PDE4D: variants seen among roughly 807,000 people sequenced by gnomAD.
PDE4D encodes the protein 3',5'-cyclic-AMP phosphodiesterase 4D.
In PDE4D, 24 loss-of-function variants were observed where a neutral mutation model predicts 87.4. That is an observed-to-expected ratio of 0.27 (90% CI 0.20 to 0.39). PDE4D has a LOEUF of 0.39. PDE4D is among the 10% of genes least tolerant of loss of function. PDE4D has a pLI of 1.00. For missense variants in PDE4D, 714 were observed against 1,041.0 expected (o/e 0.69, Z 4.32); for synonymous variants, 384 against 383.2 (o/e 1.00, Z -0.02).
chr5:59,446,016 T>G (rs1798289072), intron 1 of PDE4D, among the ~76,000 whole-genome samples: 1 of 152,168 alleles, frequency 6.6e-6, no homozygotes, highest in African/African-American at 2.4e-5. Flanking sequence ...ACTGAGCTAA[T>G]ATAATTTGCC....
chr5:59,246,833 G>C (rs1408716210), intron 1 of PDE4D, among the ~76,000 whole-genome samples: 2 of 152,144 alleles, frequency 1.3e-5, no homozygotes, highest in Non-Finnish European at 2.9e-5. Context: ...TCCAGATGAA[G>C]TGAGACTATT....
chr5:59,336,424 TG>T (rs1377419323), intron 1 of PDE4D, among the ~76,000 whole-genome samples: 1 of 152,226 alleles, frequency 6.6e-6, no homozygotes, highest in African/African-American at 2.4e-5. Context: ...TTTTTGAAAA[TG>T]TTTTTGTTAA....
chr5:60,050,895 C>A (rs1336651844), intron 2 of PDE4D, among the ~76,000 whole-genome samples: 1 of 152,136 alleles, frequency 6.6e-6, no homozygotes, highest in Non-Finnish European at 1.5e-5. Flanking sequence ...ATCCTAATTT[C>A]TGATAAAACA....
chr5:60,421,109 A>G (rs1743053367), intron 1 of PDE4D, among the ~76,000 whole-genome samples: 1 of 152,238 alleles, frequency 6.6e-6, no homozygotes, highest in South Asian at 2.1e-4. Context: ...TGGGCAGGGC[A>G]TAGCTGAACA....
At chr5:59,269,111 A>G (rs1398930550) in intron 1 of PDE4D, among the ~76,000 whole-genome samples, 2 of 152,092 alleles carry the variant, frequency 1.3e-5, no homozygotes, top group Admixed American at 1.3e-4. Context: ...AAGAAAAAAA[A>G]AAGAGTTGCA....
chr5:59,768,268 C>A, intron 1 of PDE4D: 1 of 1,598,264 alleles, frequency 6.3e-7, no homozygotes, highest in Non-Finnish European at 8.5e-7. Flanking sequence ...CACCGTGAAA[C>A]GCCGCTGTTT....
chr5:59,652,182 G>C (rs1561408542), intron 1 of PDE4D, among the ~76,000 whole-genome samples: 1 of 152,084 alleles, frequency 6.6e-6, no homozygotes. Flanking sequence ...TATGCCTCTT[G>C]CTACCCCATC....
At chr5:59,088,859 T>G (rs1323892518) in intron 5 of PDE4D, among the ~76,000 whole-genome samples, 1 of 152,116 alleles carries the variant, frequency 6.6e-6, no homozygotes, top group Non-Finnish European at 1.5e-5. Context: ...ATGTGGGTGA[T>G]GAAATAATCT....
At chr5:60,068,168 A>G (rs1408151624) in intron 2 of PDE4D, among the ~76,000 whole-genome samples, 1 of 152,158 alleles carries the variant, frequency 6.6e-6, no homozygotes, top group Non-Finnish European at 1.5e-5. Flanking sequence ...GCTGCACCAT[A>G]TTGCATTTCC....
intron 5 of PDE4D, among the ~76,000 whole-genome samples, chr5:59,059,017 A>G (rs1285985861): frequency 2.6e-5 from 4 of 152,314 alleles, no homozygotes; most frequent in Non-Finnish European, 4.4e-5. Flanking sequence ...ATAAATGGAC[A>G]GACAGAAATT....
At chr5:60,433,207 C>A (rs1465624928) in intron 1 of PDE4D, among the ~76,000 whole-genome samples, 1 of 152,064 alleles carries the variant, frequency 6.6e-6, no homozygotes, top group Non-Finnish European at 1.5e-5. Context: ...TATCCAGAAT[C>A]TATAAGGAAC....
intron 1 of PDE4D, among the ~76,000 whole-genome samples, chr5:59,247,318 G>A (rs1451618473): frequency 6.6e-6 from 1 of 152,116 alleles, no homozygotes; most frequent in Non-Finnish European, 1.5e-5. Context: ...ATTTCAGGAG[G>A]TGAGCTAGTA....
chr5:59,751,574 G>GGGGTGTGTGT (rs112024458), intron 1 of PDE4D, among the ~76,000 whole-genome samples: 1 of 142,630 alleles, frequency 7.0e-6, no homozygotes, highest in Non-Finnish European at 1.5e-5. Context: ...ATAAATCCCT[G>GGGGTGTGTGT]GTGTGTGTGT....
intron 1 of PDE4D, among the ~76,000 whole-genome samples, chr5:59,785,458 A>G (rs1356661910): frequency 1.3e-5 from 2 of 152,210 alleles, no homozygotes; most frequent in Non-Finnish European, 2.9e-5. Context: ...AAGCACAAAG[A>G]TATATAGATC....
At chr5:59,480,196 CT>C (rs371840329) in intron 1 of PDE4D, among the ~76,000 whole-genome samples, 105 of 145,708 alleles carry the variant, frequency 7.2e-4, no homozygotes, top group East Asian at 6.4e-3. Context: ...GTACTCCAAG[CT>C]TTTTTTTTTA....
intron 2 of PDE4D, among the ~76,000 whole-genome samples, chr5:60,009,037 G>C (rs1302322208): frequency 6.6e-6 from 1 of 151,956 alleles, no homozygotes; most frequent in African/African-American, 2.4e-5. Flanking sequence ...GAAATGTGAA[G>C]ACCAAATCCT....
chr5:59,719,017 A>G (rs1042053550), intron 1 of PDE4D, among the ~76,000 whole-genome samples: 14 of 152,066 alleles, frequency 9.2e-5, no homozygotes, highest in African/African-American at 3.4e-4. Context: ...TAAAAAAAAA[A>G]AAAGCCTCTT....
chr5:59,513,939 T>A (rs1043197608), intron 1 of PDE4D, among the ~76,000 whole-genome samples: 1 of 152,158 alleles, frequency 6.6e-6, no homozygotes, highest in Admixed American at 6.5e-5. Flanking sequence ...TAGGGCCAAA[T>A]GATTTCCTGA....
intron 1 of PDE4D, among the ~76,000 whole-genome samples, chr5:59,755,297 CTTGT>C (rs1328228354): frequency 6.6e-5 from 10 of 152,042 alleles, no homozygotes; most frequent in Non-Finnish European, 1.5e-4. Flanking sequence ...TCTATTTTGC[CTTGT>C]TTATTGTATA....
Sources: allele counts gnomAD v4.1 joint callset (sites outside exome capture counted in the v4.1 genomes callset), GRCh38; gene constraint gnomAD v4.1.1; transcripts MANE v1.5; gene names NCBI Gene and HGNC (gene_info 2026-07-23, HGNC 2026-07-21).